FNDC1: variants seen among roughly 807,000 people sequenced by gnomAD.
FNDC1 encodes the protein fibronectin type III domain-containing protein 1.
A neutral mutation model predicts 168.0 loss-of-function variants in FNDC1; 96 were observed. That is an observed-to-expected ratio of 0.57 (90% CI 0.48 to 0.68). FNDC1 has a LOEUF of 0.68. FNDC1 is among the 30% of genes least tolerant of loss of function. FNDC1 has a pLI of 0.00. For synonymous variants in FNDC1, 1,099 were observed against 1,025.9 expected, an observed-to-expected ratio of 1.07 and a Z score of -1.36; for missense variants, 2,587 against 2,482.1, an observed-to-expected ratio of 1.04 and a Z score of -0.90.
intron 18 of FNDC1, among the ~76,000 whole-genome samples, chr6:159,259,819 A>G (rs1014280369): frequency 6.6e-6 from 1 of 152,202 alleles, no homozygotes; most frequent in African/African-American, 2.4e-5. Context: ...AATACTCCTA[A>G]ATAAGATGCA....
At chr6:159,214,763 T>C (rs1562639919) in intron 4 of FNDC1, among the ~76,000 whole-genome samples, 182 bp from the exon 5 acceptor site, 1 of 152,226 alleles carries the variant, frequency 6.6e-6, no homozygotes, top group Non-Finnish European at 1.5e-5. Flanking sequence ...GGGAGGAATA[T>C]GTGGTTAGAG....
At chr6:159,185,868 A>G (rs1781985988) in intron 1 of FNDC1, among the ~76,000 whole-genome samples, 1 of 152,230 alleles carries the variant, frequency 6.6e-6, no homozygotes, top group South Asian at 2.1e-4. Flanking sequence ...GGCAAGGGAG[A>G]AAGAAGCTGG....
chr6:159,261,418 T>G (rs1256410038), intron 19 of FNDC1, 149 bp downstream of exon 19: 3 of 594,240 alleles, frequency 5.0e-6, no homozygotes, highest in Non-Finnish European at 8.5e-6. Context: ...CATCATTTGC[T>G]TTGTGCTAGG....
At chr6:159,189,573 A>G (rs918615403) in intron 1 of FNDC1, among the ~76,000 whole-genome samples, 1 of 152,220 alleles carries the variant, frequency 6.6e-6, no homozygotes, top group Non-Finnish European at 1.5e-5. Flanking sequence ...TTCTTACTTC[A>G]GGGAACCCTG....
chr6:159,175,547 C>T (rs749299630), intron 1 of FNDC1, among the ~76,000 whole-genome samples: 13 of 152,250 alleles, frequency 8.5e-5, no homozygotes, highest in South Asian at 4.1e-4. Flanking sequence ...ACATTGCTGT[C>T]GGCTGTTGAA....
Position 159,197,628 on chromosome 6 carries a change from A to T in FNDC1, c.304+3A>T, listed in dbSNP as rs1301644922. 1.2e-6 allele frequency: 2 copies of T among 1,607,972 alleles called. No individual in the cohort carries two copies. Among genetic ancestry groups the T allele is most frequent in the Non-Finnish European group, 1.7e-6 (2 of 1,176,786 alleles). On this transcript the variant is annotated splice_donor_region_variant and intron_variant, in intron 2 of 22. Transcript: ENST00000297267. ...CTCCTTCCTTATTGAGGATGTGGGT[A>T]AGTGACACTCTGATCTTGTTCCCAG...
At chr6:159,243,252 C>G (rs1783466377) in intron 14 of FNDC1, 1 of 152,010 alleles carries the variant, frequency 6.6e-6, no homozygotes, top group Non-Finnish European at 1.5e-5. Flanking sequence ...AAATGAACAT[C>G]TTCAAGAATT....
chr6:159,234,387 C>T lies in FNDC1; in HGVS notation c.3875C>T (p.Thr1292Ile). 6.2e-7 allele frequency: 1 copy of T among 1,613,448 alleles called. No individual in the cohort carries two copies. The change falls in exon 11 of 23, where the codon ACC becomes ATC. Residue 1292 changes from threonine (T) to isoleucine (I), a missense_variant. By Grantham distance (89) the Thr-to-Ile change is moderately conservative. Transcript: ENST00000297267. ...TTRAPPGHFS[T>I]TPMLSLRQRM... ...CGCGCCCCACCTGGCCACTTCTCCA[C>T]CACCCCGATGCTGTCCTTGCGCCAG...
chr6:159,266,282 G>A, intron 21 of FNDC1, 37 bp downstream of exon 21: 1 of 1,608,424 alleles, frequency 6.2e-7, no homozygotes, highest in Non-Finnish European at 8.5e-7. Flanking sequence ...GGGAGGTATG[G>A]AACATTTTGA....
At position 159,236,279 on chromosome 6, in the gene FNDC1, A is replaced by G. The variant is rs1032596285; in HGVS notation, c.4032A>G (p.Gly1344=). ...VLPGSNGKPN[G]QRIINGPQGT... is the part of the protein sequence containing the mutation. ...CTGGTAGTAATGGAAAACCGAATGG[A>G]CAGAGAATTATCAATGGCCCTCAAG... Residue 1344 remains glycine, a synonymous_variant, in exon 12 of 23, where the codon GGA becomes GGG. Transcript: ENST00000297267. The G allele has an allele frequency of 6.2e-7, 1 of 1,613,662 alleles. No homozygotes were observed. The highest frequency in any genetic ancestry group is 8.5e-7 in the Non-Finnish European group (1 of 1,179,764).
intron 22 of FNDC1, among the ~76,000 whole-genome samples, chr6:159,268,991 TATCCATCCATCCATCC>T (rs199923245): frequency 7.7e-6 from 1 of 130,376 alleles, no homozygotes; most frequent in East Asian, 3.2e-4. Flanking sequence ...TGTATCTATT[TATCCATCCATCCATCC>T]ATCCATCCAT....
intron 4 of FNDC1, among the ~76,000 whole-genome samples, chr6:159,208,566 G>A (rs1216442895): frequency 6.6e-6 from 1 of 152,182 alleles, no homozygotes; most frequent in Non-Finnish European, 1.5e-5. Context: ...GCCCAGCACA[G>A]CCTCAGACCT....
At chr6:159,247,406 G>A (rs1386029729) in intron 15 of FNDC1, among the ~76,000 whole-genome samples, 3 of 151,970 alleles carry the variant, frequency 2.0e-5, no homozygotes, top group African/African-American at 4.8e-5. Context: ...GTGATGCTTA[G>A]ATCTGTTGAT....
chr6:159,212,799 C>A (rs1461650001), intron 4 of FNDC1, among the ~76,000 whole-genome samples: 3 of 152,194 alleles, frequency 2.0e-5, no homozygotes, highest in African/African-American at 7.2e-5. Flanking sequence ...TGGCTCAAAT[C>A]CCTTGTTTCA....
At chr6:159,230,559 AATTTTTGGTTTGTATTCC>A (rs1165227992) in intron 10 of FNDC1, among the ~76,000 whole-genome samples, 1 of 152,142 alleles carries the variant, frequency 6.6e-6, no homozygotes, top group African/African-American at 2.4e-5. Context: ...ATAAAAGTAA[AATTTTTGGTTTGTATTCC>A]ATTATTTAGG....
chr6:159,188,169 A>G (rs1489606537), intron 1 of FNDC1, among the ~76,000 whole-genome samples: 1 of 152,192 alleles, frequency 6.6e-6, no homozygotes, highest in Non-Finnish European at 1.5e-5. Flanking sequence ...TCTTTGGTAT[A>G]CTTAAGAAAT....
At chr6:159,213,526 A>G (rs2114965490) in intron 4 of FNDC1, among the ~76,000 whole-genome samples, 1 of 152,260 alleles carries the variant, frequency 6.6e-6, no homozygotes, top group South Asian at 2.1e-4. Flanking sequence ...GACCCCCAGT[A>G]TCAGTTTCCA....
chr6:159,216,100 T>A (rs1486466881), intron 5 of FNDC1, among the ~76,000 whole-genome samples: 1 of 152,166 alleles, frequency 6.6e-6, no homozygotes, highest in African/African-American at 2.4e-5. Context: ...TAGCTGGGAC[T>A]ACAGGCACGT....
intron 14 of FNDC1, among the ~76,000 whole-genome samples, chr6:159,245,111 G>A (rs531773367): frequency 3.9e-5 from 6 of 152,192 alleles, no homozygotes; most frequent in South Asian, 2.1e-4. Context: ...ATCAGATCTC[G>A]TGAGAATTTA....
Sources: allele counts gnomAD v4.1 joint callset (sites outside exome capture counted in the v4.1 genomes callset), GRCh38; gene constraint gnomAD v4.1.1; transcripts MANE v1.5; gene names NCBI Gene and HGNC (gene_info 2026-07-23, HGNC 2026-07-21).